The following SCN8A variants were observed in gnomAD, a reference collection of about 807,000 sequenced individuals.
The protein encoded by SCN8A is sodium channel protein type 8 subunit alpha.
In SCN8A, 30 loss-of-function variants were observed where a neutral mutation model predicts 184.1. The ratio of observed to expected loss-of-function variants is 0.16; its 90% CI spans 0.12 to 0.22. The LOEUF (loss-of-function observed/expected upper bound fraction) is 0.22. Among genes scored for constraint, SCN8A ranks in the 10% least tolerant of loss-of-function variants. The pLI is 1.00. For missense variants in SCN8A, 1,057 were observed against 2,498.9 expected (o/e 0.42, Z 12.30); for synonymous variants, 852 against 907.0 (o/e 0.94, Z 1.09).
At chr12:51,722,161 A>C in intron 12 of SCN8A, 15 of 560,646 alleles carry the variant, frequency 2.7e-5, no homozygotes, top group South Asian at 7.6e-5. Flanking sequence ...TCTTTGCTCC[A>C]TTTTCCCCAT....
At chr12:51,703,061 G>C (rs1393570392) in intron 9 of SCN8A, 147 bp downstream of exon 9, 2 of 777,122 alleles carry the variant, frequency 2.6e-6, no homozygotes, top group African/African-American at 3.5e-5. Context: ...TTGATATTAA[G>C]TGAATTCTCT....
intron 11 of SCN8A, chr12:51,712,762 C>T: frequency 1.7e-6 from 2 of 1,166,068 alleles, no homozygotes; most frequent in East Asian, 2.3e-5. Context: ...ACTACTATAA[C>T]CAGGACCACC....
chr12:51,742,808 C>T (rs364319), intron 12 of SCN8A, among the ~76,000 whole-genome samples: 115,533 of 152,046 alleles, frequency 0.76, 46,279 homozygotes, highest in East Asian at 0.9. Context: ...TCTTTCTCTA[C>T]GTCCTTTTTA....
chr12:51,663,158 A>T, intron 2 of SCN8A, 65 bp downstream of exon 2: 1 of 1,554,292 alleles, frequency 6.4e-7, no homozygotes, highest in Non-Finnish European at 8.8e-7. Context: ...GAGATGGGGG[A>T]GAAAGAACTG....
intron 15 of SCN8A, among the ~76,000 whole-genome samples, chr12:51,763,507 A>G (rs186739171): frequency 1.5e-3 from 231 of 152,382 alleles, no homozygotes; most frequent in Admixed American, 3.5e-3. Context: ...ACATAACCCC[A>G]TCATAAGTCA....
At chr12:51,769,844 T>G in intron 17 of SCN8A, 24 bp from the exon 18 acceptor site, 2 of 1,504,584 alleles carry the variant, frequency 1.3e-6, no homozygotes, top group Non-Finnish European at 1.8e-6. Flanking sequence ...AGCTGCCTGA[T>G]CTCCCTTTTC....
intron 1 of SCN8A, among the ~76,000 whole-genome samples, chr12:51,607,388 T>G (rs1415169901): frequency 6.6e-6 from 1 of 152,216 alleles, no homozygotes; most frequent in African/African-American, 2.4e-5. Context: ...ACAGTTTCAC[T>G]TCCTCTTTAC....
In SCN8A at chr12:51,696,112, A is replaced by G. The variant is rs370671869; in HGVS notation, c.707-3458A>G. ...TTGTTACTAATACAAAAGACAGCTT[A>G]CAGCTCATTTCTCAATTCAGTAAAA... On this transcript the variant is annotated intron_variant, in intron 6 of 26. Coordinates refer to ENST00000627620, the MANE Select transcript of SCN8A (RefSeq NM_001330260.2). Among the ~76,000 whole-genome samples the G allele has an allele frequency of 9.8e-5, 15 of 152,362 alleles. No homozygotes were observed. The South Asian group carries it at 1.7e-3, about 17-fold the overall frequency.
intron 15 of SCN8A, among the ~76,000 whole-genome samples, chr12:51,762,926 T>A (rs1005768918): frequency 6.6e-6 from 1 of 152,218 alleles, no homozygotes; most frequent in Admixed American, 6.5e-5. Flanking sequence ...CTGCTTAATC[T>A]AAGAGATGTC....
chr12:51,771,779 G>A (rs568219876), intron 19 of SCN8A, among the ~76,000 whole-genome samples: 1 of 152,170 alleles, frequency 6.6e-6, no homozygotes, highest in Non-Finnish European at 1.5e-5. Flanking sequence ...CTGAGGTGCC[G>A]CAGAGGCACC....
intron 2 of SCN8A, among the ~76,000 whole-genome samples, chr12:51,672,342 A>AT (rs1310071569): frequency 6.6e-6 from 1 of 152,174 alleles, no homozygotes; most frequent in East Asian, 1.9e-4. Context: ...CAAGTCTAAG[A>AT]TTTTTTTTAA....
At chr12:51,623,431 C>CCT (rs1940006644) in intron 1 of SCN8A, among the ~76,000 whole-genome samples, 1 of 152,142 alleles carries the variant, frequency 6.6e-6, no homozygotes, top group Non-Finnish European at 1.5e-5. Context: ...GAGAAACCTG[C>CCT]CTCTCATCAT....
intron 14 of SCN8A, among the ~76,000 whole-genome samples, chr12:51,756,917 G>T (rs959228375): frequency 6.6e-6 from 1 of 152,172 alleles, no homozygotes; most frequent in African/African-American, 2.4e-5. Context: ...AAAGCAGAAA[G>T]TTATTTTCCT....
intron 12 of SCN8A, among the ~76,000 whole-genome samples, chr12:51,739,541 G>T (rs1942383980): frequency 1.3e-5 from 2 of 152,048 alleles, no homozygotes; most frequent in African/African-American, 4.8e-5. Context: ...CTATTCTCTT[G>T]TTCCTCCTCA....
intron 1 of SCN8A, among the ~76,000 whole-genome samples, chr12:51,639,095 C>T (rs753310346): frequency 3.6e-4 from 55 of 152,132 alleles, no homozygotes; most frequent in Admixed American, 6.5e-4. Flanking sequence ...TCCTCCCACC[C>T]AGCCTACAGC....
At chr12:51,736,640 C>T (rs533874842) in intron 12 of SCN8A, among the ~76,000 whole-genome samples, 1 of 152,320 alleles carries the variant, frequency 6.6e-6, no homozygotes, top group Admixed American at 6.5e-5. Flanking sequence ...GTCAAAGGTC[C>T]TGGAAGAGGT....
intron 1 of SCN8A, among the ~76,000 whole-genome samples, chr12:51,637,259 A>C (rs1940338567): frequency 6.6e-6 from 1 of 152,156 alleles, no homozygotes; most frequent in Non-Finnish European, 1.5e-5. Context: ...AACAATATTG[A>C]AATTAGGCCA....
At chr12:51,631,509 A>C (rs535316162) in intron 1 of SCN8A, among the ~76,000 whole-genome samples, 70 of 152,320 alleles carry the variant, frequency 4.6e-4, no homozygotes, top group African/African-American at 1.5e-3. Context: ...TTCAACTGGC[A>C]CTGTACTTTA....
Position 51,754,747 on chromosome 12 carries a change from G to T in SCN8A, c.2370+3154G>T, listed in dbSNP as rs576269497. Reference sequence around the variant, plus strand: ...ACATTTTGAAGACTACAGGTCATTTGTTATGTAGAATTCCCTCAATGTGGG... The same window carrying T: ...ACATTTTGAAGACTACAGGTCATTTTTTATGTAGAATTCCCTCAATGTGGG... On this transcript the variant is annotated intron_variant, in intron 14 of 26. Coordinates refer to ENST00000627620, the MANE Select transcript of SCN8A (RefSeq NM_001330260.2). Among the ~76,000 whole-genome samples, 250 of 152,318 alleles carry T rather than the reference G, an allele frequency of 1.6e-3. 1 individual carries two copies. The highest frequency in any genetic ancestry group is 5.8e-3 in the African/African-American group (242 of 41,560).
Sources: allele counts gnomAD v4.1 joint callset (sites outside exome capture counted in the v4.1 genomes callset), GRCh38; gene constraint gnomAD v4.1.1; transcripts MANE v1.5; gene names NCBI Gene and HGNC (gene_info 2026-07-23, HGNC 2026-07-21).